The following ROBO2 variants were observed in gnomAD, a reference collection of about 807,000 sequenced individuals.
ROBO2 encodes roundabout homolog 2.
Under a neutral mutation model 160.8 loss-of-function variants are expected in ROBO2, and 53 were observed. The ratio of observed to expected loss-of-function variants is 0.33; its 90% CI spans 0.26 to 0.41. ROBO2 has a LOEUF of 0.41. Among genes scored for constraint, ROBO2 ranks in the 10% least tolerant of loss-of-function variants. The probability of loss-of-function intolerance (pLI) is 1.00; values close to 1 mark genes in which losing one functional copy is unlikely to be tolerated. For synonymous variants in ROBO2, 664 were observed against 611.7 expected (o/e 1.09, Z -1.26); for missense variants, 1,577 against 1,722.4 (o/e 0.92, Z 1.49).
At chr3:77,192,570 T>G (rs1377792879) in intron 2 of ROBO2, among the ~76,000 whole-genome samples, 1 of 151,930 alleles carries the variant, frequency 6.6e-6, no homozygotes, top group Non-Finnish European at 1.5e-5. Context: ...GTCATGCAGA[T>G]ATCAAATGTG....
At chr3:77,076,426 G>GT (rs1019831884) in intron 1 of ROBO2, among the ~76,000 whole-genome samples, 2 of 151,884 alleles carry the variant, frequency 1.3e-5, no homozygotes, top group Non-Finnish European at 2.9e-5. Flanking sequence ...AACAGTTTAT[G>GT]TTTTTTTCTT....
chr3:76,154,993 G>A (rs2072349691), intron 2 of ROBO2, among the ~76,000 whole-genome samples: 1 of 152,088 alleles, frequency 6.6e-6, no homozygotes, highest in Non-Finnish European at 1.5e-5. Context: ...TGAATTGGAT[G>A]ATTGAAAATG....
intron 2 of ROBO2, among the ~76,000 whole-genome samples, chr3:76,205,745 T>A (rs983695785): frequency 6.6e-6 from 1 of 152,146 alleles, no homozygotes; most frequent in African/African-American, 2.4e-5. Context: ...GCCATCCCTT[T>A]TGGGTTCCTG....
At chr3:77,495,220 A>G (rs1488329577) in intron 5 of ROBO2, among the ~76,000 whole-genome samples, 1 of 152,218 alleles carries the variant, frequency 6.6e-6, no homozygotes, top group Non-Finnish European at 1.5e-5. Context: ...ATTTTAAATA[A>G]CTGGGAGTAT....
intron 2 of ROBO2, chr3:76,434,549 G>T (rs762414897): frequency 1.3e-5 from 20 of 1,585,850 alleles, no homozygotes; most frequent in Non-Finnish European, 1.6e-5. Context: ...CTGGGTCAAA[G>T]CTTATTTAAG....
chr3:77,377,008 G>A (rs997832818), intron 2 of ROBO2, among the ~76,000 whole-genome samples: 4 of 152,042 alleles, frequency 2.6e-5, no homozygotes, highest in African/African-American at 9.7e-5. Context: ...CCTAGGCCAG[G>A]TTTATTTATT....
At chr3:76,288,666 G>A (rs932469223) in intron 2 of ROBO2, among the ~76,000 whole-genome samples, 1 of 151,984 alleles carries the variant, frequency 6.6e-6, no homozygotes, top group Non-Finnish European at 1.5e-5. Flanking sequence ...ATAGGCCCCA[G>A]TGTCTATTGT....
At chr3:76,854,785 A>C (rs1355313567) in intron 2 of ROBO2, among the ~76,000 whole-genome samples, 1 of 152,150 alleles carries the variant, frequency 6.6e-6, no homozygotes, top group Non-Finnish European at 1.5e-5. Context: ...GTGTATTATT[A>C]AATATGTATT....
intron 20 of ROBO2, chr3:77,604,136 T>C (rs2094481620): frequency 6.6e-6 from 1 of 152,174 alleles, no homozygotes; most frequent in Non-Finnish European, 1.5e-5. Context: ...GGTCATTTGC[T>C]CTTCTTGCCT....
At chr3:76,300,645 G>T (rs1495571) in intron 2 of ROBO2, among the ~76,000 whole-genome samples, 142,102 of 152,012 alleles carry the variant, frequency 0.93, 67,052 homozygotes, top group Non-Finnish European at 1. Flanking sequence ...TATAAATATA[G>T]CAATGTGTGT....
intron 2 of ROBO2, among the ~76,000 whole-genome samples, chr3:76,614,806 G>A (rs1351320751): frequency 6.6e-6 from 1 of 152,082 alleles, no homozygotes; most frequent in Non-Finnish European, 1.5e-5. Flanking sequence ...CTTGTCACGG[G>A]TTATTAACTG....
At chr3:76,774,204 G>A (rs996057698) in intron 2 of ROBO2, among the ~76,000 whole-genome samples, 1 of 150,828 alleles carries the variant, frequency 6.6e-6, no homozygotes, top group African/African-American at 2.4e-5. Context: ...TTCATGAGTC[G>A]ACTGTGTATT....
At chr3:76,834,981 C>T (rs1264129631) in intron 2 of ROBO2, among the ~76,000 whole-genome samples, 1 of 152,036 alleles carries the variant, frequency 6.6e-6, no homozygotes, top group Non-Finnish European at 1.5e-5. Context: ...TAAGTCTATG[C>T]TTTCATGATG....
intron 2 of ROBO2, among the ~76,000 whole-genome samples, chr3:76,662,133 GTTT>G (rs1679603230): frequency 6.6e-6 from 1 of 152,102 alleles, no homozygotes; most frequent in Admixed American, 6.6e-5. Context: ...GCCTGAACTA[GTTT>G]TTAAGTTAAC....
At chr3:77,321,042 G>C (rs898604458) in intron 2 of ROBO2, among the ~76,000 whole-genome samples, 2 of 152,164 alleles carry the variant, frequency 1.3e-5, no homozygotes, top group African/African-American at 4.8e-5. Flanking sequence ...TGACTAAGAA[G>C]ATAGTTAATA....
At chr3:76,460,232 GA>G (rs201177070) in intron 2 of ROBO2, among the ~76,000 whole-genome samples, 6 of 146,738 alleles carry the variant, frequency 4.1e-5, no homozygotes, top group East Asian at 2.0e-4. Flanking sequence ...AAACTTAGCA[GA>G]AAAAAAAATA....
rs141159376 is a variant in ROBO2, at chr3:77,075,862, G to C, written c.62-22152G>C. ...CCGGCTAATTTTTGTATTTTTAGTA[G>C]AGATGGGGTTTCACCATGTTGGCCA... On this transcript the variant is annotated intron_variant, in intron 1 of 25. Coordinates refer to ENST00000461745, the Ensembl canonical transcript of ROBO2. Among the ~76,000 whole-genome samples, 770 of 151,506 alleles carry C rather than the reference G, an allele frequency of 5.1e-3. 7 individuals carry two copies. The highest frequency in any genetic ancestry group is 0.017 in the African/African-American group (723 of 41,326).
rs528868430 is a variant in ROBO2 at position 76,728,375 on chromosome 3, T to C, written c.110-369639T>C. 1.1e-4 allele frequency among the ~76,000 whole-genome samples: 16 copies of C among 152,358 alleles called. No individual in the cohort carries two copies. In the South Asian group the frequency reaches 2.3e-3, roughly 22 times the overall value. On this transcript the variant is annotated intron_variant, in intron 2 of 26. Coordinates refer to the ROBO2 transcript ENST00000487694. Reference sequence around the variant, plus strand: ...AAAACACTATGAAATACGTTTATTATATTTTTTGAAAATTGACCTATTTCT... The same window carrying C: ...AAAACACTATGAAATACGTTTATTACATTTTTTGAAAATTGACCTATTTCT...
chr3:77,212,989 G>A (rs557327603), intron 2 of ROBO2, among the ~76,000 whole-genome samples: 1 of 152,244 alleles, frequency 6.6e-6, no homozygotes, highest in East Asian at 1.9e-4. Context: ...GTATTTTGTT[G>A]AGGATTTTTG....
Sources: allele counts gnomAD v4.1 joint callset (sites outside exome capture counted in the v4.1 genomes callset), GRCh38; gene constraint gnomAD v4.1.1; transcripts MANE v1.5; gene names NCBI Gene and HGNC (gene_info 2026-07-23, HGNC 2026-07-21).